RBFOX1: variants seen among roughly 807,000 people sequenced by gnomAD.
RBFOX1 encodes the protein RNA binding fox-1 homolog 1, also known as RNA binding protein fox-1 homolog 1.
In RBFOX1, 8 loss-of-function variants were observed where a neutral mutation model predicts 57.7. The ratio of observed to expected loss-of-function variants is 0.14; its 90% CI spans 0.08 to 0.25. The LOEUF (loss-of-function observed/expected upper bound fraction) is 0.25, where lower values mean the gene tolerates loss of function less well. RBFOX1 is among the 10% of genes least tolerant of loss of function. RBFOX1 has a pLI of 1.00. For missense variants in RBFOX1, 611 were observed against 548.5 expected, an observed-to-expected ratio of 1.11 and a Z score of -1.14; for synonymous variants, 326 against 222.4, an observed-to-expected ratio of 1.47 and a Z score of -4.15.
intron 1 of RBFOX1, among the ~76,000 whole-genome samples, chr16:6,183,785 T>C (rs961360860): frequency 3.3e-5 from 5 of 151,478 alleles, no homozygotes; most frequent in African/African-American, 1.2e-4. Flanking sequence ...GAGACAAGAG[T>C]GGTACCACAT....
intron 3 of RBFOX1, among the ~76,000 whole-genome samples, chr16:5,782,479 A>G (rs1368497811): frequency 2.0e-5 from 3 of 152,126 alleles, no homozygotes; most frequent in South Asian, 4.1e-4. Context: ...ACCTCCCAAC[A>G]CTGTTGCATT....
intron 2 of RBFOX1, among the ~76,000 whole-genome samples, chr16:6,592,270 C>T (rs1043351201): frequency 6.6e-6 from 1 of 152,202 alleles, no homozygotes; most frequent in African/African-American, 2.4e-5. Flanking sequence ...GTAAGTTGGA[C>T]ATTGCATACA....
In RBFOX1 at chr16:7,061,821, T is replaced by C. The variant is rs150181652; in HGVS notation, c.27+9723T>C. 2.5e-3 allele frequency among the ~76,000 whole-genome samples: 386 copies of C among 152,324 alleles called. 2 individuals carry two copies. Among genetic ancestry groups the C allele is most frequent in the African/African-American group, 9.1e-3 (377 of 41,574 alleles). On this transcript the variant is annotated intron_variant, in intron 4 of 15. Transcript: ENST00000550418. Reference sequence around the variant, plus strand: ...TCAGCAAGGACTTGTCTTCCTGCTCTGTTCCTTTGAGGTCTAAATACCATT... The same window carrying C: ...TCAGCAAGGACTTGTCTTCCTGCTCCGTTCCTTTGAGGTCTAAATACCATT...
rs1008991592 is a variant in RBFOX1, at chr16:6,675,329, C to G, written c.-16+20679C>G. Reference sequence around the variant, plus strand: ...TTAGGTATGCCTAAATGTAGGTGCTCTTGCAAATGTCATCAGAAGTGTATC... The same window carrying G: ...TTAGGTATGCCTAAATGTAGGTGCTGTTGCAAATGTCATCAGAAGTGTATC... On this transcript the variant is annotated intron_variant, in intron 3 of 15. Transcript: ENST00000550418. Among the ~76,000 whole-genome samples, 8 of 152,074 alleles carry G rather than the reference C, an allele frequency of 5.3e-5. No individual in the cohort carries two copies. The South Asian group carries it at 1.5e-3, about 28-fold the overall frequency.
At chr16:5,959,232 G>C (rs1436025255) in intron 4 of RBFOX1, among the ~76,000 whole-genome samples, 1 of 152,204 alleles carries the variant, frequency 6.6e-6, no homozygotes, top group Admixed American at 6.5e-5. Flanking sequence ...ACCATTCACA[G>C]AGGGAACTCT....
chr16:6,815,232 A>C (rs1448133861), intron 3 of RBFOX1, among the ~76,000 whole-genome samples: 1 of 152,136 alleles, frequency 6.6e-6, no homozygotes. Flanking sequence ...GGATGACCAG[A>C]GATCACTCTC....
intron 4 of RBFOX1, among the ~76,000 whole-genome samples, chr16:5,968,318 C>A (rs2059892030): frequency 6.6e-6 from 1 of 152,118 alleles, no homozygotes; most frequent in African/African-American, 2.4e-5. Flanking sequence ...CACATGATCC[C>A]CCCGCCTCAG....
chr16:5,628,057 A>G (rs2048396403), intron 3 of RBFOX1, among the ~76,000 whole-genome samples: 1 of 152,280 alleles, frequency 6.6e-6, no homozygotes, highest in Admixed American at 6.5e-5. Context: ...ATATTAAGTA[A>G]AGTAGTATAA....
At chr16:6,437,167 G>A (rs116288543) in intron 2 of RBFOX1, among the ~76,000 whole-genome samples, 1,526 of 152,284 alleles carry the variant, frequency 0.01, 31 homozygotes, top group African/African-American at 0.033. Flanking sequence ...ATCACCCACA[G>A]CATGTCAGTG....
chr16:7,438,927 A>G (rs2098743738), intron 4 of RBFOX1, among the ~76,000 whole-genome samples: 1 of 152,154 alleles, frequency 6.6e-6, no homozygotes, highest in Non-Finnish European at 1.5e-5. Flanking sequence ...TGTCCCTGGG[A>G]ATAAAAAGAA....
intron 4 of RBFOX1, among the ~76,000 whole-genome samples, chr16:7,257,493 G>T (rs144003351): frequency 4.3e-4 from 66 of 152,188 alleles, no homozygotes; most frequent in African/African-American, 1.6e-3. Flanking sequence ...CATACCCCCC[G>T]GGTTTCACCT....
intron 4 of RBFOX1, among the ~76,000 whole-genome samples, chr16:5,992,272 C>T (rs2152320442): frequency 6.6e-6 from 1 of 152,252 alleles, no homozygotes; most frequent in South Asian, 2.1e-4. Context: ...CAGAATGATA[C>T]AGCTGCAGTG....
intron 1 of RBFOX1, among the ~76,000 whole-genome samples, chr16:5,435,589 T>C (rs2067891976): frequency 6.6e-6 from 1 of 152,098 alleles, no homozygotes; most frequent in South Asian, 2.1e-4. Flanking sequence ...GAGACACAGG[T>C]GGGACCCAGG....
chr16:6,418,748 G>C (rs1596964019), intron 2 of RBFOX1, among the ~76,000 whole-genome samples: 3 of 151,994 alleles, frequency 2.0e-5, no homozygotes, highest in Admixed American at 2.0e-4. Flanking sequence ...GGCTGGTCTT[G>C]AACTCCTGGT....
intron 1 of RBFOX1, among the ~76,000 whole-genome samples, chr16:6,216,076 T>A (rs904488181): frequency 6.6e-6 from 1 of 152,030 alleles, no homozygotes; most frequent in Non-Finnish European, 1.5e-5. Context: ...GAGAGTTAAA[T>A]GATAAGAACA....
chr16:5,662,431 A>G (rs2049685778), intron 3 of RBFOX1, among the ~76,000 whole-genome samples: 1 of 152,150 alleles, frequency 6.6e-6, no homozygotes, highest in African/African-American at 2.4e-5. Flanking sequence ...TCACTTTCAG[A>G]CACGTTCTGG....
At chr16:7,114,788 C>A (rs1257137390) in intron 4 of RBFOX1, among the ~76,000 whole-genome samples, 2 of 152,168 alleles carry the variant, frequency 1.3e-5, no homozygotes, top group Admixed American at 1.3e-4. Context: ...GTCTTGCTAA[C>A]TCGTTGTCCT....
At chr16:6,236,943 C>G (rs528824828) in intron 1 of RBFOX1, among the ~76,000 whole-genome samples, 2 of 152,308 alleles carry the variant, frequency 1.3e-5, no homozygotes, top group East Asian at 3.9e-4. Flanking sequence ...GATTACAACT[C>G]AAGTCTATTT....
intron 1 of RBFOX1, among the ~76,000 whole-genome samples, chr16:5,356,876 A>G (rs936114689): frequency 6.6e-6 from 1 of 152,198 alleles, no homozygotes; most frequent in Non-Finnish European, 1.5e-5. Flanking sequence ...TATAATAGCA[A>G]TGATAGCTAA....
Sources: gnomAD v4.1 joint callset for allele counts (sites outside exome capture counted in the v4.1 genomes callset) on GRCh38, gnomAD v4.1.1 for gene constraint, MANE v1.5 for transcripts, NCBI Gene and HGNC (gene_info 2026-07-23, HGNC 2026-07-21) for gene names.